Variants in ROR1 observed in about 807,000 individuals in gnomAD.
The protein encoded by ROR1 is ROR family WNT receptor 1.
In ROR1, 19 loss-of-function variants were observed where a neutral mutation model predicts 78.8. That is an observed-to-expected ratio of 0.24 (90% confidence interval 0.17 to 0.35). The LOEUF is 0.35. Among genes scored for constraint, ROR1 ranks in the 10% least tolerant of loss-of-function variants. The pLI, the probability that ROR1 is intolerant of heterozygous loss-of-function variation, is 1.00. For synonymous variants in ROR1, 386 were observed against 433.6 expected, an observed-to-expected ratio of 0.89 and a Z score of 1.36; for missense variants, 917 against 1,177.8, an observed-to-expected ratio of 0.78 and a Z score of 3.24.
At chr1:64,011,225 C>T (rs1184053350) in intron 2 of ROR1, among the ~76,000 whole-genome samples, 2 of 152,176 alleles carry the variant, frequency 1.3e-5, no homozygotes, top group Non-Finnish European at 2.9e-5. Flanking sequence ...AAATCAGGCA[C>T]TCCATGTTAC....
intron 1 of ROR1, among the ~76,000 whole-genome samples, chr1:63,952,097 G>A (rs188934812): frequency 3.9e-5 from 6 of 152,290 alleles, no homozygotes; most frequent in African/African-American, 1.4e-4. Context: ...AATAGGTCAA[G>A]GGGGGATATA....
chr1:63,969,341 C>T (rs80057545), intron 1 of ROR1, among the ~76,000 whole-genome samples: 5 of 152,246 alleles, frequency 3.3e-5, no homozygotes, highest in African/African-American at 9.6e-5. Context: ...TGGTCTCAGG[C>T]CTTCTCTCAC....
chr1:63,907,803 C>A (rs1011056076), intron 1 of ROR1, among the ~76,000 whole-genome samples: 5 of 152,122 alleles, frequency 3.3e-5, no homozygotes, highest in Non-Finnish European at 5.9e-5. Flanking sequence ...TGTTCCAATC[C>A]TGGGCAGTGA....
chr1:63,959,300 G>T (rs959414483), intron 1 of ROR1, among the ~76,000 whole-genome samples: 2 of 133,126 alleles, frequency 1.5e-5, no homozygotes, highest in African/African-American at 7.8e-5. Context: ...CCAATGACAC[G>T]TGGGGATTAG....
chr1:64,145,374 A>C (rs1649446475), intron 7 of ROR1, among the ~76,000 whole-genome samples: 1 of 152,188 alleles, frequency 6.6e-6, no homozygotes, highest in Non-Finnish European at 1.5e-5. Context: ...TAGTGATGAA[A>C]ATTTGAGAGA....
intron 4 of ROR1, chr1:64,112,169 A>G (rs2762852): frequency 0.97 from 147,953 of 152,244 alleles, 71,994 homozygotes; most frequent in East Asian, 1. Context: ...TTTCTAGGTG[A>G]ATTGGCCTGC....
At chr1:64,089,859 G>A (rs1281511834) in intron 4 of ROR1, among the ~76,000 whole-genome samples, 2 of 152,160 alleles carry the variant, frequency 1.3e-5, no homozygotes, top group Admixed American at 1.3e-4. Context: ...CAGAGACCTG[G>A]TGGGAGATAA....
intron 1 of ROR1, among the ~76,000 whole-genome samples, chr1:63,990,943 TA>T (rs1463688780): frequency 2.6e-5 from 4 of 152,186 alleles, no homozygotes; most frequent in African/African-American, 9.7e-5. Context: ...CTCTGTCTTT[TA>T]AAAATTGTTT....
intron 4 of ROR1, among the ~76,000 whole-genome samples, chr1:64,122,663 T>G (rs1469450703): frequency 6.6e-6 from 1 of 152,114 alleles, no homozygotes; most frequent in African/African-American, 2.4e-5. Context: ...CTGGAGAAGG[T>G]GCTTAAAGAG....
chr1:63,855,580 C>G (rs1378295224), intron 1 of ROR1, among the ~76,000 whole-genome samples: 1 of 150,532 alleles, frequency 6.6e-6, no homozygotes, highest in Non-Finnish European at 1.5e-5. Flanking sequence ...AATGTCTAAT[C>G]TGATGTTAAT....
chr1:64,154,639 A>G (rs1387210319), intron 7 of ROR1, among the ~76,000 whole-genome samples: 1 of 152,240 alleles, frequency 6.6e-6, no homozygotes, highest in Non-Finnish European at 1.5e-5. Context: ...AGTATTGAAT[A>G]TCATTGTAAA....
chr1:63,914,288 G>T (rs1335927359), intron 1 of ROR1, among the ~76,000 whole-genome samples: 30 of 152,150 alleles, frequency 2.0e-4, no homozygotes, highest in Non-Finnish European at 4.4e-5. Context: ...GTACAGACCC[G>T]CAGGGTTGTG....
At chr1:64,017,730 G>T (rs138396142) in intron 2 of ROR1, among the ~76,000 whole-genome samples, 6 of 152,182 alleles carry the variant, frequency 3.9e-5, no homozygotes, top group East Asian at 1.9e-4. Flanking sequence ...GCAGATGGCT[G>T]TGTGAGCAGC....
rs568756390 is a variant in ROR1 at position 64,105,784 on chromosome 1, T to G, written c.483-31585T>G. 2.0e-5 allele frequency: 3 copies of G among 152,342 alleles called. 1 individual carries two copies. The East Asian group carries it at 5.8e-4, about 29-fold the overall frequency. The allele number at this position is 152,342 out of a possible 1,614,324, so 9.4% of individuals were successfully genotyped here. A position where few individuals can be genotyped will look rare whatever the true frequency, so the allele number is the denominator to read the frequency against. On this transcript the variant is annotated intron_variant, in intron 4 of 8. Coordinates refer to ENST00000371079, the MANE Select transcript of ROR1 (RefSeq NM_005012.4). ...GATGGTTTTAGATGTGTGGTGTTATTTCTGAGGTCTCTGTTCTGTTCCATT... is the reference window on the plus strand; with the variant it reads ...GATGGTTTTAGATGTGTGGTGTTATGTCTGAGGTCTCTGTTCTGTTCCATT...
At chr1:63,866,607 C>G (rs529744456) in intron 1 of ROR1, among the ~76,000 whole-genome samples, 1 of 152,142 alleles carries the variant, frequency 6.6e-6, no homozygotes, top group Admixed American at 6.5e-5. Context: ...AGGGACCTAG[C>G]CTTTTTTTTT....
intron 4 of ROR1, among the ~76,000 whole-genome samples, chr1:64,052,640 A>C (rs1009853443): frequency 6.6e-6 from 1 of 152,204 alleles, no homozygotes; most frequent in African/African-American, 2.4e-5. Context: ...CCACAGCTAA[A>C]AAGTATCCTT....
At chr1:64,096,475 T>C (rs377456179) in intron 4 of ROR1, among the ~76,000 whole-genome samples, 1 of 152,300 alleles carries the variant, frequency 6.6e-6, no homozygotes, top group East Asian at 1.9e-4. Context: ...TACTTACAAG[T>C]GAGAACATGT....
intron 1 of ROR1, among the ~76,000 whole-genome samples, chr1:63,922,769 A>G (rs1017802417): frequency 4.6e-5 from 7 of 152,132 alleles, no homozygotes; most frequent in Admixed American, 2.6e-4. Context: ...TTTAGAGAAG[A>G]GGAAACTAGA....
At chr1:63,961,219 A>G (rs1569979352) in intron 1 of ROR1, among the ~76,000 whole-genome samples, 1 of 152,120 alleles carries the variant, frequency 6.6e-6, no homozygotes, top group African/African-American at 2.4e-5. Context: ...AAAACGGGGA[A>G]CCCATACACT....
Sources: allele counts gnomAD v4.1 joint callset (sites outside exome capture counted in the v4.1 genomes callset), GRCh38; gene constraint gnomAD v4.1.1; transcripts MANE v1.5; gene names NCBI Gene and HGNC (gene_info 2026-07-23, HGNC 2026-07-21).